The following HTR7 variants were observed in gnomAD, a reference collection of about 807,000 sequenced individuals.
HTR7 encodes the protein 5-HT-7.
In HTR7, 16 loss-of-function variants were observed where a neutral mutation model predicts 34.0. That is an observed-to-expected ratio of 0.47 (90% CI 0.32 to 0.71). The LOEUF is 0.71. Ranked by LOEUF, HTR7 falls within the 30% of genes least tolerant of loss-of-function variation. The pLI is 0.04. For synonymous variants in HTR7, 265 were observed against 260.2 expected (o/e 1.02, Z -0.18); for missense variants, 504 against 625.5 (o/e 0.81, Z 2.07).
At chr10:90,845,792 C>T (rs192378794) in intron 1 of HTR7, among the ~76,000 whole-genome samples, 20 of 152,300 alleles carry the variant, frequency 1.3e-4, no homozygotes, top group Admixed American at 4.6e-4. Context: ...AGAAGACCAC[C>T]GCCTGCATGG....
At chr10:90,831,721 G>A (rs895095589) in intron 1 of HTR7, among the ~76,000 whole-genome samples, 27 of 152,234 alleles carry the variant, frequency 1.8e-4, no homozygotes, top group African/African-American at 5.3e-4. Flanking sequence ...TGATTGGTGC[G>A]TTTACAATCC....
intron 1 of HTR7, among the ~76,000 whole-genome samples, chr10:90,788,139 T>C (rs1845409188): frequency 6.6e-6 from 1 of 152,104 alleles, no homozygotes; most frequent in African/African-American, 2.4e-5. Context: ...TATGGAATGG[T>C]TGACAGCCAG....
chr10:90,819,227 A>C (rs544800889), intron 1 of HTR7, among the ~76,000 whole-genome samples: 1 of 152,330 alleles, frequency 6.6e-6, no homozygotes, highest in South Asian at 2.1e-4. Flanking sequence ...AACTCTAAAA[A>C]TTCACTCAAA....
intron 1 of HTR7, among the ~76,000 whole-genome samples, chr10:90,766,134 T>C (rs1209003537): frequency 6.6e-6 from 1 of 152,194 alleles, no homozygotes; most frequent in South Asian, 2.1e-4. Flanking sequence ...TCCCCTACTA[T>C]TATTGTATTG....
intron 1 of HTR7, among the ~76,000 whole-genome samples, chr10:90,775,006 A>G (rs1845183699): frequency 6.6e-6 from 1 of 152,208 alleles, no homozygotes; most frequent in Admixed American, 6.5e-5. Flanking sequence ...AAAGAAAATA[A>G]AGCTCTCTAA....
intron 2 of HTR7, among the ~76,000 whole-genome samples, chr10:90,748,244 C>G (rs1314742303): frequency 6.6e-6 from 1 of 152,166 alleles, no homozygotes; most frequent in Non-Finnish European, 1.5e-5. Flanking sequence ...AAGCTATCCT[C>G]CTGCCTCAGC....
intron 1 of HTR7, among the ~76,000 whole-genome samples, chr10:90,844,564 A>C (rs1201362867): frequency 6.6e-6 from 1 of 151,410 alleles, no homozygotes; most frequent in Non-Finnish European, 1.5e-5. Context: ...CCTCTACTAA[A>C]AATACAAAAA....
chr10:90,848,420 C>T (rs944098084), intron 1 of HTR7, among the ~76,000 whole-genome samples: 3 of 152,136 alleles, frequency 2.0e-5, no homozygotes, highest in African/African-American at 7.2e-5. Context: ...AATATTACCA[C>T]TTATGTACGT....
At chr10:90,819,449 A>G (rs1195556876) in intron 1 of HTR7, among the ~76,000 whole-genome samples, 1 of 152,180 alleles carries the variant, frequency 6.6e-6, no homozygotes, top group Non-Finnish European at 1.5e-5. Context: ...TGGGGATGCA[A>G]AGCCCACAGG....
intron 1 of HTR7, among the ~76,000 whole-genome samples, chr10:90,753,962 C>T (rs1248221441): frequency 1.3e-5 from 2 of 151,900 alleles, no homozygotes; most frequent in African/African-American, 4.8e-5. Context: ...AGAATATCAA[C>T]TAAAATATCA....
intron 1 of HTR7, among the ~76,000 whole-genome samples, chr10:90,771,728 G>C (rs761758974): frequency 2.0e-5 from 3 of 152,142 alleles, no homozygotes; most frequent in Non-Finnish European, 2.9e-5. Flanking sequence ...CTCCACACCT[G>C]ACTCACAATC....
intron 1 of HTR7, among the ~76,000 whole-genome samples, chr10:90,777,074 AGG>A (rs1564678346): frequency 6.6e-6 from 1 of 152,178 alleles, no homozygotes; most frequent in Non-Finnish European, 1.5e-5. Flanking sequence ...TTTTCCTCTG[AGG>A]GTCAGCAGGC....
chr10:90,781,833 G>A (rs1002564354), intron 1 of HTR7, among the ~76,000 whole-genome samples: 2 of 152,168 alleles, frequency 1.3e-5, no homozygotes, highest in Non-Finnish European at 1.5e-5. Context: ...TTTAGTTAAC[G>A]GCATAACCCT....
In HTR7 at chr10:90,809,157, C is replaced by G. The variant is rs188567814; in HGVS notation, c.539+47976G>C. On this transcript the variant is annotated intron_variant, in intron 1 of 3. Coordinates refer to ENST00000336152, the MANE Select transcript of HTR7 (RefSeq NM_019859.4). The stretch of plus-strand genomic sequence containing the variant: ...CAATTCTTCCTCAGCCCCCTCTTCT[C>G]CACCCTATAATCCTTTTATCACCTC... Among the ~76,000 whole-genome samples, 35 of 152,264 alleles carry G rather than the reference C, an allele frequency of 2.3e-4. No individual in the cohort carries two copies. The East Asian group carries it at 6.4e-3, about 28-fold the overall frequency.
intron 2 of HTR7, 128 bp from the exon 3 acceptor site, chr10:90,743,818 G>T (rs1296592449): frequency 3.9e-6 from 3 of 779,144 alleles, no homozygotes; most frequent in Admixed American, 2.0e-5. Context: ...CTTGTGAAAA[G>T]GATTAAAATT....
At chr10:90,807,566 A>C (rs920543487) in intron 1 of HTR7, among the ~76,000 whole-genome samples, 1 of 151,902 alleles carries the variant, frequency 6.6e-6, no homozygotes, top group African/African-American at 2.4e-5. Flanking sequence ...AGAGAACAAA[A>C]CCCCTTTGAC....
intron 1 of HTR7, among the ~76,000 whole-genome samples, chr10:90,776,090 A>G (rs1300297990): frequency 6.6e-6 from 1 of 152,208 alleles, no homozygotes; most frequent in Non-Finnish European, 1.5e-5. Flanking sequence ...ACAGCACATC[A>G]TAATTCTCAT....
In HTR7 at chr10:90,749,362, T is replaced by C. The variant is rs150539409; in HGVS notation, c.772A>G (p.Met258Val). The change falls in exon 2 of 4, where the codon ATG becomes GTG. Residue 258 changes from methionine (M) to valine (V), a missense_variant. Transcript: ENST00000336152. The surrounding 1 kb of genome is among the most constrained non-coding windows in gnomAD (Gnocchi z 4.2). ...GCAGCCTTGTAAATCTGGTAGTACA[T>C]GAAAAGCATGACGGACATGGGGATA... ...FYIPMSVMLF[M>V]YYQIYKAARK... 2 of 1,614,126 alleles carry C rather than the reference T, an allele frequency of 1.2e-6. No homozygotes were observed. The highest frequency in any genetic ancestry group is 1.7e-6 in the Non-Finnish European group (2 of 1,180,032).
chr10:90,827,822 C>T (rs1846102386), intron 1 of HTR7, among the ~76,000 whole-genome samples: 1 of 152,094 alleles, frequency 6.6e-6, no homozygotes, highest in South Asian at 2.1e-4. Flanking sequence ...ACAGATCACC[C>T]AGAAAGAAAA....
Sources: allele counts gnomAD v4.1 joint callset (sites outside exome capture counted in the v4.1 genomes callset), GRCh38; gene constraint gnomAD v4.1.1; non-coding constraint Gnocchi (gnomAD v3.1); transcripts MANE v1.5; gene names NCBI Gene and HGNC (gene_info 2026-07-23, HGNC 2026-07-21).